The following GFRA3 variants were observed in gnomAD, a reference collection of about 807,000 sequenced individuals.
GFRA3 encodes GDNF family receptor alpha 3, also known as GDNF family receptor alpha-3.
A neutral mutation model predicts 40.0 loss-of-function variants in GFRA3; 24 were observed. That is an observed-to-expected ratio of 0.60 (90% CI 0.43 to 0.84). The LOEUF is 0.84. Among genes scored for constraint, GFRA3 ranks in the 40% least tolerant of loss-of-function variants. The probability of loss-of-function intolerance (pLI) is 0.00; values close to 1 mark genes in which losing one functional copy is unlikely to be tolerated. For missense variants in GFRA3, 405 were observed against 530.6 expected, an observed-to-expected ratio of 0.76 and a Z score of 2.33; for synonymous variants, 203 against 213.5, an observed-to-expected ratio of 0.95 and a Z score of 0.43.
intron 1 of GFRA3, among the ~76,000 whole-genome samples, chr5:138,268,561 G>GA (rs1231447446): frequency 6.6e-6 from 1 of 152,040 alleles, no homozygotes; most frequent in Non-Finnish European, 1.5e-5. Flanking sequence ...CTAATATTCA[G>GA]AATCTACAAC....
chr5:138,257,164 G>A (rs1371386696), intron 4 of GFRA3, among the ~76,000 whole-genome samples: 1 of 152,082 alleles, frequency 6.6e-6, no homozygotes, highest in Non-Finnish European at 1.5e-5. Flanking sequence ...GTTAAGTGCT[G>A]TGCTCAAGAT....
chr5:138,253,660 G>T, intron 6 of GFRA3, 106 bp downstream of exon 6: 3 of 1,026,776 alleles, frequency 2.9e-6, no homozygotes, highest in Non-Finnish European at 4.4e-6. Context: ...TGCTCTGTTT[G>T]GTGGAGATGG....
intron 5 of GFRA3, 60 bp downstream of exon 5, chr5:138,253,997 A>G (rs1402084361): frequency 1.9e-6 from 3 of 1,564,216 alleles, no homozygotes; most frequent in Non-Finnish European, 2.6e-6. Context: ...TTATCTCCGG[A>G]GCATTCTTAC....
At chr5:138,258,941 T>C (rs549510159) in intron 3 of GFRA3, among the ~76,000 whole-genome samples, 1 of 152,336 alleles carries the variant, frequency 6.6e-6, no homozygotes, top group South Asian at 2.1e-4. Context: ...TGCATGAAAC[T>C]CTATGCCTTT....
chr5:138,263,831 C>G (rs1220742994), intron 2 of GFRA3, among the ~76,000 whole-genome samples: 2 of 152,188 alleles, frequency 1.3e-5, no homozygotes, highest in African/African-American at 4.8e-5. Context: ...TGCCTTCTCT[C>G]TCTTACATCT....
chr5:138,263,301 T>G (rs2126616190), intron 2 of GFRA3, among the ~76,000 whole-genome samples: 1 of 152,330 alleles, frequency 6.6e-6, no homozygotes, highest in South Asian at 2.1e-4. Context: ...TTAGGGCATC[T>G]TCCATGGAAA....
chr5:138,257,641 G>C lies in GFRA3; in HGVS notation c.783C>G (p.Cys261Trp). The change falls in exon 4 of 8, where the codon TGC (cysteine) becomes TGG (tryptophan). Residue 261 changes from cysteine to tryptophan, a missense_variant and splice_region_variant. Coordinates refer to ENST00000274721, the MANE Select transcript of GFRA3 (RefSeq NM_001496.4). Reference protein sequence around the residue: ...LRRLCFSDPLCRSRLVDFQTH... With the variant: ...LRRLCFSDPLWRSRLVDFQTH... ...CCCTGTCCTCCCAAACTACACACCTGCAAAGCGGGTCGGAGAAGCAGAGGC... is the reference window on the plus strand; with the variant it reads ...CCCTGTCCTCCCAAACTACACACCTCCAAAGCGGGTCGGAGAAGCAGAGGC... The C allele has an allele frequency of 6.2e-7, 1 of 1,607,624 alleles. No individual in the cohort carries two copies. The highest frequency in any genetic ancestry group is 8.5e-7 in the Non-Finnish European group (1 of 1,178,320).
At chr5:138,269,159 G>A (rs941137133) in intron 1 of GFRA3, among the ~76,000 whole-genome samples, 7 of 152,076 alleles carry the variant, frequency 4.6e-5, no homozygotes, top group Admixed American at 1.3e-4. Context: ...GCATGGATGC[G>A]GTGATCAGGG....
chr5:138,263,713 C>T (rs570826185), intron 2 of GFRA3, among the ~76,000 whole-genome samples: 1 of 152,118 alleles, frequency 6.6e-6, no homozygotes, highest in East Asian at 1.9e-4. Flanking sequence ...AGAATTAAAC[C>T]TTTGTTTTGC....
At chr5:138,263,229 A>T (rs1349679763) in intron 2 of GFRA3, among the ~76,000 whole-genome samples, 3 of 151,930 alleles carry the variant, frequency 2.0e-5, no homozygotes, top group Non-Finnish European at 1.5e-5. Context: ...GGCCTCCCAA[A>T]GTGCTAGGAT....
chr5:138,255,234 TTTAG>T (rs1473658470), intron 4 of GFRA3, among the ~76,000 whole-genome samples: 1 of 152,192 alleles, frequency 6.6e-6, no homozygotes, highest in African/African-American at 2.4e-5. Flanking sequence ...CTAGTAAGTA[TTTAG>T]TTATTCAGTA....
intron 3 of GFRA3, 51 bp from the exon 4 acceptor site, chr5:138,258,002 A>G (rs1206577113): frequency 1.3e-6 from 2 of 1,486,608 alleles, no homozygotes; most frequent in South Asian, 1.1e-5. Flanking sequence ...GCACGCCTGC[A>G]CCCCAGGTTC....
In GFRA3 at chr5:138,259,662, TG is replaced by T; in HGVS notation, c.380-14del. ...AGCTCATAGTTACCTAGAGACAAGG[TG>T]GGGAGCACCAGAATGCTGAGGACCA... On this transcript the variant is annotated splice_polypyrimidine_tract_variant and intron_variant, in intron 2 of 7. Transcript: ENST00000274721. The T allele has an allele frequency of 8.7e-7, 1 of 1,152,602 alleles. No individual in the cohort carries two copies. Among genetic ancestry groups the T allele is most frequent in the Non-Finnish European group, 1.3e-6 (1 of 757,956 alleles). The allele number at this position is 1,152,602 out of a possible 1,614,324, so 71.4% of individuals were successfully genotyped here. A position where few individuals can be genotyped will look rare whatever the true frequency, so the allele number is the denominator to read the frequency against.
At position 138,253,284 on chromosome 5, in the gene GFRA3, T is replaced by C. The variant is rs939183057; in HGVS notation, c.1113+3A>G. 4.5e-6 allele frequency: 7 copies of C among 1,567,036 alleles called. No individual in the cohort carries two copies. In the African/African-American group the frequency reaches 8.1e-5, roughly 18 times the overall value. The stretch of plus-strand genomic sequence containing the variant: ...CTGAGGGGTGTAACAGAGGAGGCCC[T>C]ACCTGGTGTGCCATCACAGCAAAGG... On this transcript the variant is annotated splice_donor_region_variant and intron_variant, in intron 7 of 7. Coordinates refer to ENST00000274721, the MANE Select transcript of GFRA3 (RefSeq NM_001496.4).
intron 1 of GFRA3, among the ~76,000 whole-genome samples, chr5:138,269,268 G>A (rs1178483835): frequency 6.6e-6 from 1 of 152,040 alleles, no homozygotes; most frequent in East Asian, 1.9e-4. Flanking sequence ...TGGGCGTGGT[G>A]GCTCACCCCG....
At chr5:138,269,079 C>A (rs986583588) in intron 1 of GFRA3, among the ~76,000 whole-genome samples, 39 of 152,004 alleles carry the variant, frequency 2.6e-4, no homozygotes, top group African/African-American at 9.2e-4. Flanking sequence ...CAAATCAAAA[C>A]CACAATGTGA....
At chr5:138,267,065 G>T in intron 1 of GFRA3, 1 of 174,650 alleles carries the variant, frequency 5.7e-6, no homozygotes, top group Non-Finnish European at 1.2e-5. Context: ...CAGAGTGGCT[G>T]GCCATAAACA....
Position 138,271,717 on chromosome 5 carries a change from T to C in GFRA3, c.91+2617A>G, listed in dbSNP as rs1755871171. ...CCTCAGCCTCCCAAGTAGCTGGGAC[T>C]GCATGCATGCACTACCACGCCCAGC... On this transcript the variant is annotated intron_variant, in intron 1 of 7. Coordinates refer to ENST00000274721, the MANE Select transcript of GFRA3 (RefSeq NM_001496.4). Among the ~76,000 whole-genome samples the C allele has an allele frequency of 1.4e-5, 2 of 143,856 alleles. 1 individual carries two copies. The highest frequency in any genetic ancestry group is 5.5e-5 in the African/African-American group (2 of 36,334). The allele number at this position is 143,856 out of a possible 152,430, so 94.4% of individuals were successfully genotyped here.
intron 5 of GFRA3, 37 bp downstream of exon 5, chr5:138,254,020 C>A (rs1755589838): frequency 6.4e-7 from 1 of 1,559,130 alleles, no homozygotes; most frequent in Non-Finnish European, 8.8e-7. Context: ...TCAGGCCTAG[C>A]CAACATAGGG....
Sources: gnomAD v4.1 joint callset for allele counts (sites outside exome capture counted in the v4.1 genomes callset) on GRCh38, gnomAD v4.1.1 for gene constraint, MANE v1.5 for transcripts, NCBI Gene and HGNC (gene_info 2026-07-23, HGNC 2026-07-21) for gene names.